Variants in GAS7 observed in about 807,000 individuals in gnomAD.
GAS7 encodes growth arrest-specific protein 7.
A neutral mutation model predicts 71.1 loss-of-function variants in GAS7; 28 were observed. The observed-to-expected ratio is 0.39, with a 90% CI of 0.29 to 0.54. The LOEUF (loss-of-function observed/expected upper bound fraction) is 0.54. GAS7 is among the 20% of genes least tolerant of loss of function. GAS7 has a pLI of 0.62. For synonymous variants in GAS7, 258 were observed against 245.8 expected (o/e 1.05, Z -0.46); for missense variants, 436 against 627.8 (o/e 0.69, Z 3.27).
At chr17:9,964,978 C>A (rs190241821) in intron 4 of GAS7, among the ~76,000 whole-genome samples, 7 of 152,306 alleles carry the variant, frequency 4.6e-5, no homozygotes, top group South Asian at 4.1e-4. Context: ...TCTTTCCTCT[C>A]TCCTGTGTCT....
At chr17:10,079,169 A>T (rs1012297086) in intron 1 of GAS7, among the ~76,000 whole-genome samples, 6 of 152,208 alleles carry the variant, frequency 3.9e-5, no homozygotes, top group Non-Finnish European at 8.8e-5. Context: ...ATGGAGATAA[A>T]GCCCCATTGT....
chr17:9,920,888 A>G (rs890228004), intron 11 of GAS7, among the ~76,000 whole-genome samples: 1 of 152,236 alleles, frequency 6.6e-6, no homozygotes, highest in Non-Finnish European at 1.5e-5. Flanking sequence ...AGTGACTCCT[A>G]TAGTATCATC....
intron 4 of GAS7, among the ~76,000 whole-genome samples, chr17:9,964,902 T>A (rs4791378): frequency 0.069 from 10,540 of 152,214 alleles, 1,198 homozygotes; most frequent in African/African-American, 0.24. Flanking sequence ...ACATCTCACC[T>A]CTTTCTCCAC....
At chr17:9,936,630 G>A (rs1289212053) in intron 8 of GAS7, among the ~76,000 whole-genome samples, 1 of 152,168 alleles carries the variant, frequency 6.6e-6, no homozygotes, top group Non-Finnish European at 1.5e-5. Flanking sequence ...GCTCTTTGGA[G>A]TCACATCACC....
intron 1 of GAS7, among the ~76,000 whole-genome samples, chr17:10,064,453 A>G (rs1439249926): frequency 6.6e-6 from 1 of 152,154 alleles, no homozygotes; most frequent in Non-Finnish European, 1.5e-5. Flanking sequence ...CCTCATTCTC[A>G]GCCCTCGAGG....
chr17:10,091,332 C>T (rs191547978), intron 1 of GAS7, among the ~76,000 whole-genome samples: 118 of 152,230 alleles, frequency 7.8e-4, no homozygotes, highest in African/African-American at 2.8e-3. Flanking sequence ...GGTTGTACAA[C>T]ATTGTGAATG....
chr17:9,972,674 A>G (rs2070018386), intron 3 of GAS7, among the ~76,000 whole-genome samples: 1 of 152,250 alleles, frequency 6.6e-6, no homozygotes. Context: ...CTATCAATAA[A>G]TGGCAAAAGG....
chr17:10,017,571 C>T (rs2152202503), intron 2 of GAS7, among the ~76,000 whole-genome samples: 1 of 152,250 alleles, frequency 6.6e-6, no homozygotes, highest in Middle Eastern at 3.4e-3. Flanking sequence ...TCAAGTGATC[C>T]ACCTGCCTCG....
intron 1 of GAS7, chr17:10,039,622 G>T (rs2072824159): frequency 2.6e-6 from 1 of 389,574 alleles, no homozygotes; most frequent in Non-Finnish European, 5.1e-6. Context: ...GGCAGAGGTT[G>T]TAGTGAGCCA....
At chr17:10,181,231 A>G (rs1050485296) in intron 1 of GAS7, among the ~76,000 whole-genome samples, 11 of 151,774 alleles carry the variant, frequency 7.2e-5, no homozygotes, top group South Asian at 4.2e-4. Context: ...GTGGTGGTGC[A>G]TGCCTGTAAT....
chr17:10,038,695 A>ATTT (rs71365709), intron 1 of GAS7, among the ~76,000 whole-genome samples: 9 of 121,180 alleles, frequency 7.4e-5, no homozygotes, highest in Non-Finnish European at 1.2e-4. Flanking sequence ...GAAGGAAGGA[A>ATTT]TTTTTTTTTT....
rs1164151104 is a variant in GAS7, at chr17:10,167,044, C to CTTTTTTTTTTTTTTTTTTTTTT, written c.183+31142_183+31163dup. On this transcript the variant is annotated intron_variant, in intron 1 of 13. Coordinates refer to ENST00000432992, the MANE Select transcript of GAS7 (RefSeq NM_201433.2). ...AAACCAATCTACTATTTCCATTTGT[C>CTTTTTTTTTTTTTTTTTTTTTT]TTTTTTTTTTTTTTTTTTTTTTTTT... Among the ~76,000 whole-genome samples the CTTTTTTTTTTTTTTTTTTTTTT allele has an allele frequency of 8.5e-5, 5 of 58,806 alleles. 1 individual carries two copies. The highest frequency in any genetic ancestry group is 8.8e-5 in the Non-Finnish European group (3 of 34,068). The allele number at this position is 58,806 out of a possible 152,430, so 38.6% of individuals were successfully genotyped here.
chr17:10,050,154 A>G (rs529670785), intron 1 of GAS7, among the ~76,000 whole-genome samples: 29 of 152,162 alleles, frequency 1.9e-4, no homozygotes, highest in Non-Finnish European at 3.2e-4. Flanking sequence ...ACCTTACTAA[A>G]ATTATTTAAA....
At chr17:10,194,858 C>CAAAAAAA (rs5819269) in intron 1 of GAS7, among the ~76,000 whole-genome samples, 1 of 85,190 alleles carries the variant, frequency 1.2e-5, no homozygotes. Context: ...GACTCTGTCT[C>CAAAAAAA]AAAAAAAAAA....
In GAS7 at chr17:10,141,676, G is replaced by T. The variant is rs149392914; in HGVS notation, c.183+56532C>A. 4.1e-4 allele frequency among the ~76,000 whole-genome samples: 62 copies of T among 152,208 alleles called. No individual in the cohort carries two copies. The East Asian group carries it at 8.9e-3, about 22-fold the overall frequency. On this transcript the variant is annotated intron_variant, in intron 1 of 13. Coordinates refer to ENST00000432992, the MANE Select transcript of GAS7 (RefSeq NM_201433.2). ...AGACTCCAGGGCACATTCCAGCTCT[G>T]CCAGATACTAACATAAATGGCCTTG...
chr17:10,085,703 AAAAAAAG>A (rs1227399278), intron 1 of GAS7, among the ~76,000 whole-genome samples: 8 of 145,252 alleles, frequency 5.5e-5, no homozygotes, highest in African/African-American at 1.9e-4. Context: ...AAAAAAAAAA[AAAAAAAG>A]AAAGAAAGAA....
chr17:9,918,796 C>T lies in GAS7; in HGVS notation c.1219-697G>A, dbSNP rs747248316. ...TTGTGTCTTTGGAATCTAGGGGATC[C>T]GGCTGTTACTCTGCATACAACTAGG... On this transcript the variant is annotated intron_variant, in intron 12 of 13. Coordinates refer to ENST00000432992, the MANE Select transcript of GAS7 (RefSeq NM_201433.2). 3.0e-4 allele frequency among the ~76,000 whole-genome samples: 45 copies of T among 152,082 alleles called. 1 individual carries two copies. The highest frequency in any genetic ancestry group is 3.2e-3 in the Middle Eastern group (1 of 316).
rs34994635 is a variant in GAS7, at chr17:9,919,969, TTGTGTGTGTGTGTGTGTGTGTGTGTG to T, written c.1139-290_1139-265del. Reference sequence around the variant, plus strand: ...AGGATTCAGGATGGTGGTTCTCATTTTGTGTGTGTGTGTGTGTGTGTGTGTGTGTGTGTGTGTGTGTGTGTGTCTAG... The same window carrying T: ...AGGATTCAGGATGGTGGTTCTCATTTTGTGTGTGTGTGTGTGTGTGTCTAG... On this transcript the variant is annotated intron_variant, in intron 11 of 13. Coordinates refer to ENST00000432992, the MANE Select transcript of GAS7 (RefSeq NM_201433.2). The surrounding 1 kb of genome is among the most constrained non-coding windows in gnomAD (Gnocchi z 5.0). Among the ~76,000 whole-genome samples, 20 of 131,498 alleles carry T rather than the reference TTGTGTGTGTGTGTGTGTGTGTGTGTG, an allele frequency of 1.5e-4. No individual in the cohort carries two copies. The highest frequency in any genetic ancestry group is 2.4e-4 in the East Asian group (1 of 4,254). The allele number at this position is 131,498 out of a possible 152,430, so 86.3% of individuals were successfully genotyped here. A position where few individuals can be genotyped will look rare whatever the true frequency, so the allele number is the denominator to read the frequency against.
chr17:10,069,168 A>G (rs754523847), intron 1 of GAS7, among the ~76,000 whole-genome samples: 2 of 152,214 alleles, frequency 1.3e-5, no homozygotes, highest in Non-Finnish European at 2.9e-5. Context: ...CCCAGACACC[A>G]GCCAAGGAAC....
Sources: gnomAD v4.1 joint callset for allele counts (sites outside exome capture counted in the v4.1 genomes callset) on GRCh38, gnomAD v4.1.1 for gene constraint, Gnocchi (gnomAD v3.1) non-coding constraint, MANE v1.5 for transcripts, NCBI Gene and HGNC (gene_info 2026-07-23, HGNC 2026-07-21) for gene names.